Variants in ALK observed in about 807,000 individuals in gnomAD.
ALK encodes the protein ALK tyrosine kinase receptor.
A neutral mutation model predicts 163.1 loss-of-function variants in ALK; 74 were observed. The ratio of observed to expected loss-of-function variants is 0.45; its 90% CI spans 0.38 to 0.55. The LOEUF is 0.55. Ranked by LOEUF, ALK falls within the 20% of genes least tolerant of loss-of-function variation. The probability of loss-of-function intolerance (pLI) is 0.00; values close to 1 mark genes in which losing one functional copy is unlikely to be tolerated. For missense variants in ALK, 2,063 were observed against 2,105.3 expected, an observed-to-expected ratio of 0.98 and a Z score of 0.39; for synonymous variants, 960 against 843.2, an observed-to-expected ratio of 1.14 and a Z score of -2.40.
chr2:29,844,852 C>A (rs369433231), intron 1 of ALK, among the ~76,000 whole-genome samples: 19 of 93,896 alleles, frequency 2.0e-4, no homozygotes, highest in African/African-American at 7.2e-4. Flanking sequence ...ACCCTGATAA[C>A]CCCCCTGCAC....
At chr2:29,279,121 A>C (rs1665641666) in intron 9 of ALK, among the ~76,000 whole-genome samples, 1 of 152,180 alleles carries the variant, frequency 6.6e-6, no homozygotes, top group African/African-American at 2.4e-5. Flanking sequence ...TGGGCCTCTT[A>C]GCATGGATGG....
At chr2:29,825,029 T>C (rs781399411) in intron 1 of ALK, among the ~76,000 whole-genome samples, 1 of 152,302 alleles carries the variant, frequency 6.6e-6, no homozygotes, top group African/African-American at 2.4e-5. Context: ...GTTCTCATGA[T>C]AGTGAGTAAG....
intron 1 of ALK, among the ~76,000 whole-genome samples, chr2:29,820,089 C>T (rs779415133): frequency 3.3e-5 from 5 of 152,164 alleles, no homozygotes; most frequent in African/African-American, 4.8e-5. Context: ...TCTGTGAAAG[C>T]GAGCCAGCCT....
chr2:29,862,649 G>C (rs2148407548), intron 1 of ALK, among the ~76,000 whole-genome samples: 1 of 152,174 alleles, frequency 6.6e-6, no homozygotes, highest in East Asian at 1.9e-4. Context: ...AAAATATCCT[G>C]TATTCATGGA....
chr2:29,859,336 T>C (rs977282251), intron 1 of ALK, among the ~76,000 whole-genome samples: 15 of 152,210 alleles, frequency 9.9e-5, no homozygotes, highest in Admixed American at 1.3e-4. Context: ...AAGAGAGGCT[T>C]ACAGCTGAAG....
At chr2:29,252,444 A>C (rs567510336) in intron 11 of ALK, among the ~76,000 whole-genome samples, 5 of 152,358 alleles carry the variant, frequency 3.3e-5, no homozygotes, top group Admixed American at 3.3e-4. Context: ...CTAAGACATT[A>C]AAGTGAAAAC....
intron 1 of ALK, among the ~76,000 whole-genome samples, chr2:29,799,210 CTCTTT>C (rs777645780): frequency 1.3e-5 from 2 of 152,174 alleles, no homozygotes; most frequent in African/African-American, 2.4e-5. Flanking sequence ...GTTTCCACTT[CTCTTT>C]TGAGTGTTGA....
chr2:29,605,355 T>C (rs1038155761), intron 3 of ALK, among the ~76,000 whole-genome samples: 2 of 152,160 alleles, frequency 1.3e-5, no homozygotes, highest in African/African-American at 4.8e-5. Flanking sequence ...CCAGTATCGG[T>C]CCATGGCCTT....
chr2:29,323,172 TTTGAG>T (rs1667127954), intron 6 of ALK, among the ~76,000 whole-genome samples: 1 of 152,170 alleles, frequency 6.6e-6, no homozygotes, highest in African/African-American at 2.4e-5. Flanking sequence ...ACTGAGCTGG[TTTGAG>T]GATAAAGTAG....
At chr2:29,300,271 G>T (rs925465864) in intron 8 of ALK, among the ~76,000 whole-genome samples, 1 of 152,114 alleles carries the variant, frequency 6.6e-6, no homozygotes, top group African/African-American at 2.4e-5. Context: ...ATACCTGGCC[G>T]GGCACGGTGG....
chr2:29,909,649 T>A (rs1248887340), intron 1 of ALK, among the ~76,000 whole-genome samples: 2 of 152,208 alleles, frequency 1.3e-5, no homozygotes, highest in Non-Finnish European at 2.9e-5. Flanking sequence ...ATCAGGGAAC[T>A]GTAAGCCAAA....
intron 8 of ALK, among the ~76,000 whole-genome samples, 173 bp from the exon 9 acceptor site, chr2:29,297,230 G>C (rs927488140): frequency 6.6e-6 from 1 of 152,166 alleles, no homozygotes; most frequent in East Asian, 1.9e-4. Context: ...TGAAGTTCAA[G>C]TATCCCATTT....
rs934775720 is a variant in ALK at position 29,227,729 on chromosome 2, A to G, written c.2816-57T>C. On this transcript the variant is annotated intron_variant, in intron 16 of 28. Transcript: ENST00000389048. The surrounding 1 kb of genome is among the most constrained non-coding windows in gnomAD (Gnocchi z 4.4). ...GGGGGGTGGGTGCCAAAATCTTAAC[A>G]CACACACACGTCAGTGGGGCATGCA... 2.2e-6 allele frequency: 3 copies of G among 1,372,282 alleles called. No individual in the cohort carries two copies. In the Admixed American group the frequency reaches 5.0e-5, roughly 23 times the overall value. 85.0% of individuals were successfully genotyped at this position (1,372,282 alleles called of 1,614,324 possible).
intron 9 of ALK, among the ~76,000 whole-genome samples, chr2:29,291,369 A>T (rs1010813626): frequency 2.0e-4 from 30 of 152,264 alleles, no homozygotes; most frequent in African/African-American, 7.0e-4. Context: ...GTCTCTAAAA[A>T]TTAAATTAAA....
At chr2:29,493,791 A>G (rs1425420146) in intron 4 of ALK, among the ~76,000 whole-genome samples, 3 of 152,224 alleles carry the variant, frequency 2.0e-5, no homozygotes, top group Non-Finnish European at 2.9e-5. Flanking sequence ...GAAGCAGGTG[A>G]ACAGGCTCCC....
At chr2:29,791,024 C>G (rs922948050) in intron 1 of ALK, among the ~76,000 whole-genome samples, 1 of 152,178 alleles carries the variant, frequency 6.6e-6, no homozygotes, top group Non-Finnish European at 1.5e-5. Flanking sequence ...GACCTCTTGG[C>G]AAGTCTCTTC....
At chr2:29,776,530 A>G (rs1354679584) in intron 1 of ALK, among the ~76,000 whole-genome samples, 2 of 152,178 alleles carry the variant, frequency 1.3e-5, no homozygotes, top group Non-Finnish European at 2.9e-5. Flanking sequence ...CTCATGGCAA[A>G]TGGGAGTGAA....
At chr2:29,634,493 A>G (rs2148239727) in intron 3 of ALK, among the ~76,000 whole-genome samples, 1 of 152,312 alleles carries the variant, frequency 6.6e-6, no homozygotes. Context: ...AATCAATATA[A>G]TGTACCATAT....
chr2:29,775,550 A>G (rs1425988110), intron 1 of ALK, among the ~76,000 whole-genome samples: 7 of 151,564 alleles, frequency 4.6e-5, no homozygotes, highest in Non-Finnish European at 1.0e-4. Flanking sequence ...AAAAAAAAAA[A>G]CAAAAACAAA....
Sources: allele counts gnomAD v4.1 joint callset (sites outside exome capture counted in the v4.1 genomes callset), GRCh38; gene constraint gnomAD v4.1.1; non-coding constraint Gnocchi (gnomAD v3.1); transcripts MANE v1.5; gene names NCBI Gene and HGNC (gene_info 2026-07-23, HGNC 2026-07-21).